Variants in HPSE observed in about 807,000 individuals in gnomAD.
HPSE encodes endo-glucoronidase.
Under a neutral mutation model 65.1 loss-of-function variants are expected in HPSE, and 48 were observed. The observed-to-expected ratio is 0.74, with a 90% confidence interval of 0.58 to 0.94. HPSE has a LOEUF of 0.94. HPSE is among the 40% of genes least tolerant of loss of function. The pLI, the probability that HPSE is intolerant of heterozygous loss-of-function variation, is 0.00. For synonymous variants in HPSE, 243 were observed against 260.0 expected, an observed-to-expected ratio of 0.93 and a Z score of 0.63; for missense variants, 644 against 637.5, an observed-to-expected ratio of 1.01 and a Z score of -0.11.
At chr4:83,317,732 A>G (rs1054087801) in intron 3 of HPSE, among the ~76,000 whole-genome samples, 2 of 152,160 alleles carry the variant, frequency 1.3e-5, no homozygotes, top group African/African-American at 4.8e-5. Context: ...ACTCACCTAT[A>G]TCTTCCGGGA....
Position 83,324,386 on chromosome 4 carries a change from T to C in HPSE, c.228-2022A>G, listed in dbSNP as rs147803540. ...GCTTAATTAAATATGTATAATGCTA[T>C]GTAAAATTTTCAAAGTATTTCTTTA... On this transcript the variant is annotated intron_variant, in intron 1 of 11. Transcript: ENST00000311412. Among the ~76,000 whole-genome samples the C allele has an allele frequency of 1.8e-3, 278 of 152,316 alleles. 1 individual carries two copies. The highest frequency in any genetic ancestry group is 6.4e-3 in the African/African-American group (266 of 41,566).
At chr4:83,318,672 T>C (rs912045720) in intron 3 of HPSE, among the ~76,000 whole-genome samples, 1 of 144,854 alleles carries the variant, frequency 6.9e-6, no homozygotes. Context: ...ATTGCGCCAT[T>C]GCACTCCAGG....
intron 9 of HPSE, among the ~76,000 whole-genome samples, chr4:83,305,710 A>C (rs149181585): frequency 1.1e-4 from 17 of 152,346 alleles, no homozygotes; most frequent in African/African-American, 3.8e-4. Context: ...ATTAGAAATA[A>C]GACTTTATTC....
At chr4:83,310,181 G>A in intron 5 of HPSE, 103 bp from the exon 6 acceptor site, 1 of 708,090 alleles carries the variant, frequency 1.4e-6, no homozygotes, top group Non-Finnish European at 2.4e-6. Context: ...TACTGCTTTA[G>A]GATCAGGTAA....
At chr4:83,312,841 C>CCA (rs1385805375) in intron 4 of HPSE, among the ~76,000 whole-genome samples, 3 of 10,982 alleles carry the variant, frequency 2.7e-4, no homozygotes, top group African/African-American at 1.5e-3. Flanking sequence ...ACTAAAAATG[C>CCA]AAAAAAAAAA....
intron 4 of HPSE, 72 bp downstream of exon 4, chr4:83,313,026 AAAAAAAAAAAAAAAAG>A: frequency 1.0e-6 from 1 of 961,668 alleles, no homozygotes; most frequent in South Asian, 1.8e-5. Flanking sequence ...TGTCTCAAAA[AAAAAAAAAAAAAAAAG>A]AAAAAGAAAA....
chr4:83,330,544 G>A (rs776372665), intron 1 of HPSE, among the ~76,000 whole-genome samples: 1 of 152,192 alleles, frequency 6.6e-6, no homozygotes, highest in Non-Finnish European at 1.5e-5. Context: ...TTATCAAAAC[G>A]TGTGTTTAAC....
At chr4:83,316,263 G>C (rs1007135906) in intron 3 of HPSE, among the ~76,000 whole-genome samples, 6 of 151,268 alleles carry the variant, frequency 4.0e-5, no homozygotes, top group Admixed American at 6.6e-5. Flanking sequence ...CTGACATCAA[G>C]TGATCCACCT....
intron 11 of HPSE, among the ~76,000 whole-genome samples, chr4:83,297,253 A>G (rs939019695): frequency 2.6e-5 from 4 of 152,084 alleles, no homozygotes; most frequent in Non-Finnish European, 5.9e-5. Context: ...AGTTCACTCT[A>G]TGATGTTCAC....
intron 1 of HPSE, among the ~76,000 whole-genome samples, chr4:83,329,687 G>A (rs1737291126): frequency 1.3e-5 from 2 of 152,156 alleles, no homozygotes; most frequent in Admixed American, 6.5e-5. Flanking sequence ...TACATTTCAT[G>A]AGCTGGATAA....
In HPSE at chr4:83,294,715, G is replaced by A; in HGVS notation, c.*629C>T. ...TAAAAGGCTGCAGTGATCTATGATT[G>A]CACCACTGCACTCAAGCCTGGGCAA... On this transcript the variant is annotated 3_prime_UTR_variant, in exon 12 of 12. Coordinates refer to ENST00000311412, the MANE Select transcript of HPSE (RefSeq NM_001098540.3). The A allele has an allele frequency of 6.6e-6, 1 of 152,388 alleles. No individual in the cohort carries two copies. 9.4% of individuals were successfully genotyped at this position (152,388 alleles called of 1,614,324 possible).
rs1393801764 is a variant in HPSE, at chr4:83,293,531, A to G, written c.*1813T>C. 6.6e-6 allele frequency: 1 copy of G among 152,220 alleles called. No homozygotes were observed. The highest frequency in any genetic ancestry group is 1.5e-5 in the Non-Finnish European group (1 of 68,046). 9.4% of individuals were successfully genotyped at this position (152,220 alleles called of 1,614,324 possible). ...AACGTCTAGTTATGTGGGAATATAC[A>G]TTTCCTTATTGCTTAAGCCATTTGA... On this transcript the variant is annotated 3_prime_UTR_variant, in exon 12 of 12. Coordinates refer to ENST00000311412, the MANE Select transcript of HPSE (RefSeq NM_001098540.3).
chr4:83,324,986 A>G (rs982462685), intron 1 of HPSE, among the ~76,000 whole-genome samples: 39 of 152,214 alleles, frequency 2.6e-4, no homozygotes, highest in African/African-American at 7.0e-4. Flanking sequence ...ATAAAAGAAT[A>G]TATATTTATA....
intron 2 of HPSE, among the ~76,000 whole-genome samples, chr4:83,319,770 G>A (rs1372327870): frequency 6.6e-6 from 1 of 152,090 alleles, no homozygotes; most frequent in Non-Finnish European, 1.5e-5. Flanking sequence ...TCAGAAGCTT[G>A]AAATTACTGG....
intron 1 of HPSE, 107 bp from the exon 2 acceptor site, chr4:83,322,471 G>C (rs754483152): frequency 1.1e-6 from 1 of 902,322 alleles, no homozygotes; most frequent in Non-Finnish European, 1.6e-6. Context: ...ACATTTCCCT[G>C]TGCAGGACTT....
At chr4:83,317,048 G>T (rs966605367) in intron 3 of HPSE, among the ~76,000 whole-genome samples, 1 of 151,994 alleles carries the variant, frequency 6.6e-6, no homozygotes, top group Non-Finnish European at 1.5e-5. Context: ...ACAGGCGCCC[G>T]CCACCATGCC....
intron 10 of HPSE, among the ~76,000 whole-genome samples, chr4:83,301,702 A>T (rs570989457): frequency 6.6e-6 from 1 of 152,312 alleles, no homozygotes; most frequent in Non-Finnish European, 1.5e-5. Flanking sequence ...ATCAGGAATG[A>T]TAGATTGAAA....
chr4:83,306,755 C>A (rs548296133), intron 8 of HPSE, among the ~76,000 whole-genome samples: 1 of 152,188 alleles, frequency 6.6e-6, no homozygotes, highest in African/African-American at 2.4e-5. Flanking sequence ...AAAAGACCCC[C>A]TTCTTGCCTG....
At chr4:83,303,493 ATTG>A (rs1470656654) in intron 9 of HPSE, among the ~76,000 whole-genome samples, 5 of 152,222 alleles carry the variant, frequency 3.3e-5, no homozygotes, top group Admixed American at 1.3e-4. Flanking sequence ...CTAAGGAATT[ATTG>A]TTATTATTTA....
Sources: gnomAD v4.1 joint callset for allele counts (sites outside exome capture counted in the v4.1 genomes callset) on GRCh38, gnomAD v4.1.1 for gene constraint, MANE v1.5 for transcripts, NCBI Gene and HGNC (gene_info 2026-07-23, HGNC 2026-07-21) for gene names.